Variants in OLA1 observed in about 807,000 individuals in gnomAD.
The protein encoded by OLA1 is Obg like ATPase 1.
OLA1 carries 14 observed loss-of-function variants against 48.4 expected under a neutral mutation model. The observed-to-expected ratio is 0.29, with a 90% confidence interval of 0.19 to 0.45. The LOEUF (loss-of-function observed/expected upper bound fraction) is 0.45, where lower values mean the gene tolerates loss of function less well. OLA1 is among the 20% of genes least tolerant of loss of function. OLA1 has a pLI of 1.00. For missense variants in OLA1, 325 were observed against 467.1 expected (o/e 0.70, Z 2.80); for synonymous variants, 127 against 150.4 (o/e 0.84, Z 1.14).
chr2:174,163,828 T>A (rs9636262), intron 4 of OLA1, among the ~76,000 whole-genome samples: 1 of 115,900 alleles, frequency 8.6e-6, no homozygotes. Flanking sequence ...AAAAGTTTTT[T>A]CATTTAGAGT....
At chr2:174,130,797 T>C (rs1293015480) in intron 5 of OLA1, among the ~76,000 whole-genome samples, 1 of 152,164 alleles carries the variant, frequency 6.6e-6, no homozygotes, top group Non-Finnish European at 1.5e-5. Context: ...GAATTATTTG[T>C]CATACTTAGT....
In OLA1 at chr2:174,132,446, T is replaced by C. The variant is rs542286322; in HGVS notation, c.550-8771A>G. 2.6e-5 allele frequency among the ~76,000 whole-genome samples: 4 copies of C among 152,262 alleles called. No individual in the cohort carries two copies. The South Asian group carries it at 8.3e-4, about 32-fold the overall frequency. On this transcript the variant is annotated intron_variant, in intron 5 of 10. Coordinates refer to ENST00000284719, the MANE Select transcript of OLA1 (RefSeq NM_013341.5). Reference sequence around the variant, plus strand: ...CTTCATAAGAATACTTTCAGATCACTGATTTCACCTTTCCTTATTTTGAGA... The same window carrying C: ...CTTCATAAGAATACTTTCAGATCACCGATTTCACCTTTCCTTATTTTGAGA...
At chr2:174,193,887 C>A (rs1251869889) in intron 4 of OLA1, among the ~76,000 whole-genome samples, 1 of 152,176 alleles carries the variant, frequency 6.6e-6, no homozygotes, top group Non-Finnish European at 1.5e-5. Flanking sequence ...CAAGGCTCAG[C>A]CTTAGTCACA....
intron 3 of OLA1, among the ~76,000 whole-genome samples, chr2:174,227,733 A>G (rs550789432): frequency 6.6e-6 from 1 of 152,342 alleles, no homozygotes; most frequent in East Asian, 1.9e-4. Context: ...AAATACATGA[A>G]TGAACAGATG....
intron 4 of OLA1, among the ~76,000 whole-genome samples, chr2:174,155,033 T>G (rs184242720): frequency 1.1e-4 from 17 of 152,320 alleles, no homozygotes; most frequent in African/African-American, 3.8e-4. Flanking sequence ...TGAAATGGTA[T>G]CTCCATAGCA....
chr2:174,149,979 G>C (rs1260527281), intron 4 of OLA1, among the ~76,000 whole-genome samples: 1 of 152,170 alleles, frequency 6.6e-6, no homozygotes, highest in African/African-American at 2.4e-5. Context: ...AGAATCCCTA[G>C]ATAGACATAG....
chr2:174,151,151 A>G (rs934027594), intron 4 of OLA1, among the ~76,000 whole-genome samples: 1 of 152,176 alleles, frequency 6.6e-6, no homozygotes, highest in Non-Finnish European at 1.5e-5. Flanking sequence ...ATGAATGAGT[A>G]ATACAGAAAG....
rs140771756 is a variant in OLA1 at position 174,220,302 on chromosome 2, C to T, written c.373+2731G>A. On this transcript the variant is annotated intron_variant, in intron 4 of 10. Transcript: ENST00000284719. ...TCTTAAGGCAGCAGGCTCCTTTCTA[C>T]CATAGGGCCTTGAAACAAACCATTT... Among the ~76,000 whole-genome samples, 1,078 of 152,220 alleles carry T rather than the reference C, an allele frequency of 7.1e-3. 5 individuals are homozygous for T. Among genetic ancestry groups the T allele is most frequent in the Non-Finnish European group, 0.01 (699 of 68,012 alleles).
In OLA1 at chr2:174,163,984, G is replaced by A. The variant is rs1687095798; in HGVS notation, c.374-21984C>T. Among the ~76,000 whole-genome samples the A allele has an allele frequency of 2.6e-5, 4 of 151,374 alleles. No homozygotes were observed. The South Asian group carries it at 8.4e-4, about 32-fold the overall frequency. On this transcript the variant is annotated intron_variant, in intron 4 of 10. Coordinates refer to ENST00000284719, the MANE Select transcript of OLA1 (RefSeq NM_013341.5). ...CACAATCCTCATGTGTGGTGGGAGG[G>A]ACCTGGTGGGAGGTAATTGAATCAT... is the stretch of plus-strand genomic sequence containing the variant.
chr2:174,174,145 GGA>G, intron 4 of OLA1, among the ~76,000 whole-genome samples: 1 of 151,626 alleles, frequency 6.6e-6, no homozygotes, highest in East Asian at 1.9e-4. Context: ...AACTCTTCGA[GGA>G]AATCAAAGAT....
intron 7 of OLA1, among the ~76,000 whole-genome samples, chr2:174,094,157 G>A (rs938555117): frequency 6.6e-6 from 1 of 152,196 alleles, no homozygotes; most frequent in Non-Finnish European, 1.5e-5. Flanking sequence ...CGTCAGTAGA[G>A]TCTTTCTGAG....
chr2:174,130,839 T>C (rs1316879519), intron 5 of OLA1, among the ~76,000 whole-genome samples: 2 of 152,046 alleles, frequency 1.3e-5, no homozygotes, highest in African/African-American at 2.4e-5. Context: ...ATCTACACAA[T>C]AGGAGCAGAT....
At chr2:174,092,003 T>A (rs1440393947) in intron 7 of OLA1, among the ~76,000 whole-genome samples, 1 of 149,842 alleles carries the variant, frequency 6.7e-6, no homozygotes, top group African/African-American at 2.5e-5. Flanking sequence ...ATGTTAACTG[T>A]CTTCCACCTG....
At chr2:174,199,296 G>A (rs1243610476) in intron 4 of OLA1, among the ~76,000 whole-genome samples, 1 of 152,056 alleles carries the variant, frequency 6.6e-6, no homozygotes, top group Middle Eastern at 3.2e-3. Flanking sequence ...GCCACCGGGG[G>A]AAAGCTCAGG....
At chr2:174,160,288 T>C (rs1686980934) in intron 4 of OLA1, among the ~76,000 whole-genome samples, 1 of 152,158 alleles carries the variant, frequency 6.6e-6, no homozygotes, top group African/African-American at 2.4e-5. Flanking sequence ...TATACAAAAT[T>C]GTAAAACTAT....
chr2:174,116,627 T>C (rs1416621977), intron 7 of OLA1, among the ~76,000 whole-genome samples: 4 of 152,148 alleles, frequency 2.6e-5, no homozygotes, highest in African/African-American at 7.2e-5. Context: ...TGCTCTTAAA[T>C]TGGGCTGCAA....
chr2:174,177,815 C>A (rs528231106), intron 4 of OLA1, among the ~76,000 whole-genome samples: 2 of 151,770 alleles, frequency 1.3e-5, no homozygotes, highest in African/African-American at 4.8e-5. Flanking sequence ...AGACTTTTGA[C>A]AAAGTCAGCC....
intron 7 of OLA1, among the ~76,000 whole-genome samples, chr2:174,107,024 G>A (rs1685527711): frequency 6.6e-6 from 1 of 152,050 alleles, no homozygotes; most frequent in Admixed American, 6.6e-5. Context: ...TCACATCTGT[G>A]TCCAGCAATC....
chr2:174,190,794 AAAG>A (rs1198145400), intron 4 of OLA1, among the ~76,000 whole-genome samples: 2 of 151,930 alleles, frequency 1.3e-5, no homozygotes, highest in Non-Finnish European at 2.9e-5. Context: ...GTACCTAATA[AAAG>A]GTTATGTTTC....
Sources: gnomAD v4.1 joint callset for allele counts (sites outside exome capture counted in the v4.1 genomes callset) on GRCh38, gnomAD v4.1.1 for gene constraint, MANE v1.5 for transcripts, NCBI Gene and HGNC (gene_info 2026-07-23, HGNC 2026-07-21) for gene names.